Variants in TFAP2C observed in about 807,000 individuals in gnomAD.
The protein encoded by TFAP2C is transcription factor AP-2 gamma, also known as activating enhancer-binding protein 2 gamma.
A neutral mutation model predicts 42.9 loss-of-function variants in TFAP2C; 9 were observed. That is an observed-to-expected ratio of 0.21 (90% CI 0.13 to 0.37). The LOEUF (loss-of-function observed/expected upper bound fraction) is 0.37, where lower values mean the gene tolerates loss of function less well. Ranked by LOEUF, TFAP2C falls within the 10% of genes least tolerant of loss-of-function variation. The pLI, the probability that TFAP2C is intolerant of heterozygous loss-of-function variation, is 1.00. For missense variants in TFAP2C, 462 were observed against 591.7 expected (o/e 0.78, Z 2.27); for synonymous variants, 264 against 256.0 (o/e 1.03, Z -0.30).
At position 56,638,068 on chromosome 20, in the gene TFAP2C, C is replaced by T; in HGVS notation, c.*55C>T. ...GGGAAGGAACAGGACTGCAAAAATC[C>T]TTCTCCACCGCACAGACTGGGAACC... On this transcript the variant is annotated 3_prime_UTR_variant, in exon 7 of 7. Coordinates refer to ENST00000201031, the MANE Select transcript of TFAP2C (RefSeq NM_003222.4). 1 of 1,514,252 alleles carries T rather than the reference C, an allele frequency of 6.6e-7. No homozygotes were observed. The highest frequency in any genetic ancestry group is 1.2e-5 in the South Asian group (1 of 81,152). The allele number at this position is 1,514,252 out of a possible 1,614,324, so 93.8% of individuals were successfully genotyped here.
intron 5 of TFAP2C, among the ~76,000 whole-genome samples, chr20:56,635,028 A>T (rs896451460): frequency 2.7e-4 from 41 of 152,340 alleles, no homozygotes; most frequent in African/African-American, 9.4e-4. Context: ...GGCTCTCACT[A>T]TGGGCAGGGG....
intron 5 of TFAP2C, 50 bp from the exon 6 acceptor site, chr20:56,636,560 T>C: frequency 6.4e-7 from 1 of 1,562,602 alleles, no homozygotes; most frequent in Non-Finnish European, 8.6e-7. Flanking sequence ...AAAGGGCAGT[T>C]TGGCCTCAGT....
chr20:56,632,807 C>T (rs1299295922), intron 3 of TFAP2C, among the ~76,000 whole-genome samples: 2 of 150,476 alleles, frequency 1.3e-5, no homozygotes, highest in Admixed American at 6.6e-5. Flanking sequence ...TAGTTTTCAG[C>T]AGCTGCTAGG....
At position 56,629,649 on chromosome 20, in the gene TFAP2C, G is replaced by A. The variant is rs1302033234; in HGVS notation, c.48+57G>A. ...CCGCCGAGGACAGTCCGGGAGGCAG[G>A]GGCCACTGGACCGAGGTCGGGGACG... On this transcript the variant is annotated intron_variant, in intron 1 of 6. Coordinates refer to ENST00000201031, the MANE Select transcript of TFAP2C (RefSeq NM_003222.4). This position sits in a 1 kb window ranked among gnomAD's most constrained non-coding sequence, Gnocchi z 5.9. 2.2e-6 allele frequency: 3 copies of A among 1,334,970 alleles called. No homozygotes were observed. The highest frequency in any genetic ancestry group is 5.6e-5 in the East Asian group (2 of 35,936). The allele number at this position is 1,334,970 out of a possible 1,614,324, so 82.7% of individuals were successfully genotyped here.
chr20:56,637,079 A>T (rs951862019), intron 6 of TFAP2C, among the ~76,000 whole-genome samples: 1 of 152,252 alleles, frequency 6.6e-6, no homozygotes, highest in African/African-American at 2.4e-5. Context: ...TGTCACAACC[A>T]GTAAAGAGAG....
At chr20:56,633,594 T>G in intron 4 of TFAP2C, 25 bp downstream of exon 4, 1 of 1,592,106 alleles carries the variant, frequency 6.3e-7, no homozygotes, top group Non-Finnish European at 8.6e-7. Context: ...ATTCTAGGCA[T>G]AGTGGTTGGG....
chr20:56,633,947 G>A (rs6025021), intron 4 of TFAP2C, among the ~76,000 whole-genome samples: 2 of 152,214 alleles, frequency 1.3e-5, no homozygotes, highest in Admixed American at 6.5e-5. Context: ...TTGGATGCTA[G>A]GAAAGATTGA....
Position 56,631,928 on chromosome 20 carries a change from G to A in TFAP2C, c.586+72G>A, listed in dbSNP as rs539461033. ...CTTGTGAAGTTGACTGGCAAGGTTGGGGGTATTTGGTGGCCAGCGTGGGAC... is the reference window on the plus strand; with the variant it reads ...CTTGTGAAGTTGACTGGCAAGGTTGAGGGTATTTGGTGGCCAGCGTGGGAC... On this transcript the variant is annotated intron_variant, in intron 3 of 6. Transcript: ENST00000201031. This position sits in a 1 kb window ranked among gnomAD's most constrained non-coding sequence, Gnocchi z 6.1. 1.0e-4 allele frequency: 163 copies of A among 1,570,632 alleles called. 1 individual carries two copies. The South Asian group carries it at 1.7e-3, about 17-fold the overall frequency.
At chr20:56,635,275 A>T (rs1487786349) in intron 5 of TFAP2C, among the ~76,000 whole-genome samples, 2 of 152,160 alleles carry the variant, frequency 1.3e-5, no homozygotes, top group Non-Finnish European at 2.9e-5. Flanking sequence ...GGGTGATTGA[A>T]TAAGAAAGTG....
rs1230718829 is a variant in TFAP2C at position 56,629,494 on chromosome 20, T to TG, written c.-45dup. The TG allele has an allele frequency of 5.8e-6, 8 of 1,375,496 alleles. No individual in the cohort carries two copies. Among genetic ancestry groups the TG allele is most frequent in the South Asian group, 2.1e-5 (1 of 47,740 alleles). 85.2% of individuals were successfully genotyped at this position (1,375,496 alleles called of 1,614,324 possible). ...GATTTTGGATTTACCGCTTGGGGGCTGGGGGGATCCTGGATTTAACTGGCG... is the reference window on the plus strand; with the variant it reads ...GATTTTGGATTTACCGCTTGGGGGCTGGGGGGGATCCTGGATTTAACTGGCG... On this transcript the variant is annotated 5_prime_UTR_variant, in exon 1 of 7. Transcript: ENST00000201031. This position sits in a 1 kb window ranked among gnomAD's most constrained non-coding sequence, Gnocchi z 5.9.
chr20:56,637,422 T>A (rs1327726904), intron 6 of TFAP2C, among the ~76,000 whole-genome samples: 3 of 152,202 alleles, frequency 2.0e-5, no homozygotes, highest in Non-Finnish European at 4.4e-5. Flanking sequence ...TGGGTTGGAA[T>A]CCAGGCCCCA....
intron 5 of TFAP2C, among the ~76,000 whole-genome samples, chr20:56,635,171 A>T (rs1225488115): frequency 6.6e-6 from 1 of 152,116 alleles, no homozygotes; most frequent in Non-Finnish European, 1.5e-5. Context: ...GTGCCTTTGG[A>T]GGTCAGGGCA....
In TFAP2C at chr20:56,637,731, A is replaced by G. The variant is rs758686490; in HGVS notation, c.1071A>G (p.Gln357=). The change falls in exon 7 of 7, where the codon CAA becomes CAG. Residue 357 remains glutamine, a synonymous_variant. Transcript: ENST00000201031. ...ARKNMLLAAQ[Q]LCKEFTELLS... ...AGTCAACTGACTGTCTTCACAGGCAACTGTGTAAAGAATTCACAGAACTTC... is the reference window on the plus strand; with the variant it reads ...AGTCAACTGACTGTCTTCACAGGCAGCTGTGTAAAGAATTCACAGAACTTC... 5.0e-6 allele frequency: 8 copies of G among 1,613,820 alleles called. No individual in the cohort carries two copies. In the East Asian group the frequency reaches 6.7e-5, roughly 13 times the overall value.
At chr20:56,634,029 A>G in intron 4 of TFAP2C, 121 bp from the exon 5 acceptor site, 2 of 704,390 alleles carry the variant, frequency 2.8e-6, no homozygotes, top group South Asian at 3.5e-5. Flanking sequence ...CGTGATGTAG[A>G]TAGTCTTTGA....
At chr20:56,636,575 A>G in intron 5 of TFAP2C, 35 bp from the exon 6 acceptor site, 1 of 1,584,240 alleles carries the variant, frequency 6.3e-7, no homozygotes, top group Non-Finnish European at 8.6e-7. Flanking sequence ...CTCAGTGACC[A>G]CAGCCATCCT....
In TFAP2C at chr20:56,638,588, C is replaced by T. The variant is rs1195521959; in HGVS notation, c.*575C>T. The T allele has an allele frequency of 6.6e-6, 1 of 152,220 alleles. No individual in the cohort carries two copies. Among genetic ancestry groups the T allele is most frequent in the Admixed American group, 6.6e-5 (1 of 15,238 alleles). 9.4% of individuals were successfully genotyped at this position (152,220 alleles called of 1,614,324 possible). A position where few individuals can be genotyped will look rare whatever the true frequency, so the allele number is the denominator to read the frequency against. On this transcript the variant is annotated 3_prime_UTR_variant, in exon 7 of 7. Transcript: ENST00000201031. ...GTGGTATCTGACACACTCTAAACCC[C>T]GTGTTCAAACGGGGGCCTTCTGGTT... is the stretch of plus-strand genomic sequence containing the variant.
In TFAP2C at chr20:56,631,195, T is replaced by C. The variant is rs761786807; in HGVS notation, c.49-10T>C. On this transcript the variant is annotated splice_polypyrimidine_tract_variant and intron_variant, in intron 1 of 6. Transcript: ENST00000201031. This position sits in a 1 kb window ranked among gnomAD's most constrained non-coding sequence, Gnocchi z 6.1. ...CTAACGGGGTCTCCTGTTTTTTTTTTTCCCTCCAGGATCGCCACGACGGGA... is the reference window on the plus strand; with the variant it reads ...CTAACGGGGTCTCCTGTTTTTTTTTCTCCCTCCAGGATCGCCACGACGGGA... 8 of 1,497,382 alleles carry C rather than the reference T, an allele frequency of 5.3e-6. No homozygotes were observed. The African/African-American group carries it at 8.8e-5, about 16-fold the overall frequency. The allele number at this position is 1,497,382 out of a possible 1,614,324, so 92.8% of individuals were successfully genotyped here.
Position 56,633,476 on chromosome 20 carries a change from C to T in TFAP2C, c.710C>T (p.Thr237Met). Residue 237 changes from threonine to methionine, a missense_variant, in exon 4 of 7, where the codon ACG (threonine) becomes ATG (methionine). By Grantham distance (81) the Thr-to-Met change is moderately conservative (BLOSUM62 -1). Coordinates refer to ENST00000201031, the MANE Select transcript of TFAP2C (RefSeq NM_003222.4). ...VPGRLSLLSS[T>M]SKYKVTVAEV... ...GGAAGATTGTCGCTCCTCAGCTCTA[C>T]GTCTAAATACAAAGTGACAGTGGCT... 1.2e-6 allele frequency: 2 copies of T among 1,614,096 alleles called. No individual in the cohort carries two copies. Among genetic ancestry groups the T allele is most frequent in the Non-Finnish European group, 1.7e-6 (2 of 1,180,002 alleles).
chr20:56,636,477 G>C, intron 5 of TFAP2C, 133 bp from the exon 6 acceptor site: 1 of 941,942 alleles, frequency 1.1e-6, no homozygotes, highest in East Asian at 2.6e-5. Context: ...AGTGAGCAGA[G>C]ATCGGGCCAC....
Sources: allele counts gnomAD v4.1 joint callset (sites outside exome capture counted in the v4.1 genomes callset), GRCh38; gene constraint gnomAD v4.1.1; non-coding constraint Gnocchi (gnomAD v3.1); transcripts MANE v1.5; gene names NCBI Gene and HGNC (gene_info 2026-07-23, HGNC 2026-07-21).